Variants in SCNN1D observed in about 807,000 individuals in gnomAD.
SCNN1D encodes epithelial sodium channel subunit delta.
SCNN1D carries 104 observed loss-of-function variants against 87.8 expected under a neutral mutation model. That is an observed-to-expected ratio of 1.18 (90% CI 1.01 to 1.39). The LOEUF (loss-of-function observed/expected upper bound fraction) is 1.39, where lower values mean the gene tolerates loss of function less well. SCNN1D is among the 40% of genes most tolerant of loss of function. The pLI is 0.00. For missense variants in SCNN1D, 1,324 were observed against 1,093.9 expected (o/e 1.21, Z -2.97); for synonymous variants, 628 against 481.2 (o/e 1.31, Z -3.99).
chr1:1,281,542 G>A lies in SCNN1D; in HGVS notation c.209G>A (p.Ser70Asn), dbSNP rs1640471403. The change falls in exon 3 of 18, where the codon AGT becomes AAT. Residue 70 changes from serine to asparagine, a missense_variant. Coordinates refer to ENST00000379116, the MANE Select transcript of SCNN1D (RefSeq NM_001130413.4). The stretch of plus-strand genomic sequence containing the variant: ...GGGGGAGGACCATGTGGATTCACCA[G>A]TGCTGGACATGTGCTCTGTGGCTAC... ...RRGGGPCGFT[S>N]AGHVLCGYPL... is the part of the protein sequence containing the mutation. The A allele has an allele frequency of 3.3e-6, 5 of 1,535,788 alleles. No homozygotes were observed. Among genetic ancestry groups the A allele is most frequent in the East Asian group, 2.4e-5 (1 of 40,924 alleles).
chr1:1,284,177 T>TTGGGTGAGGGGGGGGGGG (rs1557580387), intron 5 of SCNN1D, 87 bp downstream of exon 5: 1 of 2,230 alleles, frequency 4.5e-4, no homozygotes, highest in Non-Finnish European at 7.3e-4. Flanking sequence ...GGTGGGGGGG[T>TTGGGTGAGGGGGGGGGGG]TGGGGGGGTT....
rs1640806899 is a variant in SCNN1D at position 1,291,320 on chromosome 1, C to G, written c.2119C>G (p.Leu707Val). ...SLWFGASVLS[L>V]LELLELLLDA... Reference sequence around the variant, plus strand: ...GTGGTTTGGGGCCTCCGTCCTCTCCCTCCTGGAGCTCCTGGAGCTGCTGCT... The same window carrying G: ...GTGGTTTGGGGCCTCCGTCCTCTCCGTCCTGGAGCTCCTGGAGCTGCTGCT... Residue 707 changes from leucine to valine, a missense_variant, in exon 18 of 18, where the codon CTC becomes GTC. Transcript: ENST00000379116. 10 of 1,596,504 alleles carry G rather than the reference C, an allele frequency of 6.3e-6. No individual in the cohort carries two copies. The highest frequency in any genetic ancestry group is 1.1e-5 in the South Asian group (1 of 88,592).
rs1330056076 is a variant in SCNN1D, at chr1:1,291,697, A to G, written c.*87A>G. ...GCTCCCCAGCGGCCCAGGGTGGGCC[A>G]GACCAGCAGCCCAGGAAGCAGCACA... On this transcript the variant is annotated 3_prime_UTR_variant, in exon 18 of 18. Transcript: ENST00000379116. The G allele has an allele frequency of 1.9e-6, 2 of 1,040,504 alleles. No individual in the cohort carries two copies. The highest frequency in any genetic ancestry group is 2.7e-5 in the Admixed American group (1 of 37,148). 64.5% of individuals were successfully genotyped at this position (1,040,504 alleles called of 1,614,324 possible). A position where few individuals can be genotyped will look rare whatever the true frequency, so the allele number is the denominator to read the frequency against.
At chr1:1,287,617 G>C (rs773150308) in intron 10 of SCNN1D, 21 bp downstream of exon 10, 1 of 1,608,592 alleles carries the variant, frequency 6.2e-7, no homozygotes, top group South Asian at 1.1e-5. Flanking sequence ...GCCCCTGGCC[G>C]GTGCGGGGGC....
Position 1,285,627 on chromosome 1 carries a change from G to T in SCNN1D, c.521G>T (p.Arg174Ile). The T allele has an allele frequency of 1.3e-6, 2 of 1,547,732 alleles. No individual in the cohort carries two copies. Among genetic ancestry groups the T allele is most frequent in the South Asian group, 2.4e-5 (2 of 83,728 alleles). The stretch of plus-strand genomic sequence containing the variant: ...TGCCACCTGAAGGGATGGCAGCACA[G>T]ACCCACTCAGCACAACGCTGCCTGC... ...RPCHLKGWQH[R>I]PTQHNAACKQ... is the part of the protein sequence containing the mutation. Residue 174 changes from arginine (R) to isoleucine (I), a missense_variant, in exon 6 of 18, where the codon AGA becomes ATA. Transcript: ENST00000379116.
In SCNN1D at chr1:1,286,122, G is replaced by A. The variant is rs767058898; in HGVS notation, c.755G>A (p.Trp252Ter). The A allele has an allele frequency of 1.9e-6, 3 of 1,610,590 alleles. No individual in the cohort carries two copies. Among genetic ancestry groups the A allele is most frequent in the Non-Finnish European group, 2.5e-6 (3 of 1,179,458 alleles). The stretch of plus-strand genomic sequence containing the variant: ...GGGAACCGCCTCAAGACGACGTCCT[G>A]GGGGCTGCTGTCCCTGGGAGCCCTG... ...SRGNRLKTTS[W>*]GLLSLGALVA... Residue 252 changes from tryptophan (W) to a stop codon, truncating the protein, a stop_gained, in exon 7 of 18, where the codon TGG becomes TAG. Coordinates refer to ENST00000379116, the MANE Select transcript of SCNN1D (RefSeq NM_001130413.4). LOFTEE classifies it high-confidence loss of function.
intron 5 of SCNN1D, among the ~76,000 whole-genome samples, chr1:1,284,829 C>T (rs776950906): frequency 7.2e-5 from 11 of 152,206 alleles, no homozygotes; most frequent in South Asian, 2.1e-4. Context: ...GGGTGGGGTC[C>T]GGCTCCTCTC....
Position 1,287,544 on chromosome 1 carries a change from C to G in SCNN1D, c.1347C>G (p.Ser449Arg). 1 of 1,542,538 alleles carries G rather than the reference C, an allele frequency of 6.5e-7. No homozygotes were observed. Among genetic ancestry groups the G allele is most frequent in the Non-Finnish European group, 8.8e-7 (1 of 1,141,804 alleles). Residue 449 changes from serine (S) to arginine (R), a missense_variant, in exon 10 of 18, where the codon AGC becomes AGG. By Grantham distance (110) the Ser-to-Arg change is moderately radical. Transcript: ENST00000379116. ...FRTFHHPTYG[S>R]CYTVDGVWTA... Reference sequence around the variant, plus strand: ...CCTTCCACCACCCCACCTACGGCAGCTGCTACACGGTCGATGGCGTCTGGA... The same window carrying G: ...CCTTCCACCACCCCACCTACGGCAGGTGCTACACGGTCGATGGCGTCTGGA...
In SCNN1D at chr1:1,290,943, CACAG is replaced by C. The variant is rs1640790104; in HGVS notation, c.1972_1975del (p.Gln658GlyfsTer66). ...TGAACAGGGGCTGCCGCATCAGAGCCACAGACAGAGGTGGGTGCACCCTCCCCCT... is the reference window on the plus strand; with the variant it reads ...TGAACAGGGGCTGCCGCATCAGAGCCACAGAGGTGGGTGCACCCTCCCCCT... On this transcript the variant is annotated frameshift_variant, in exon 16 of 18. Transcript: ENST00000379116. LOFTEE classifies it high-confidence loss of function. 1.2e-6 allele frequency: 2 copies of C among 1,609,402 alleles called. No individual in the cohort carries two copies. The highest frequency in any genetic ancestry group is 8.5e-7 in the Non-Finnish European group (1 of 1,178,534).
chr1:1,291,916 G>A lies in SCNN1D; in HGVS notation c.*306G>A. On this transcript the variant is annotated 3_prime_UTR_variant, in exon 18 of 18. Transcript: ENST00000379116. ...GTGTCTGCATGTCCACACGTCTGAT[G>A]CACCTGTGTACGTGTGTCAAGCCTA... The A allele has an allele frequency of 3.5e-6, 1 of 289,292 alleles. No individual in the cohort carries two copies. The highest frequency in any genetic ancestry group is 6.5e-6 in the Non-Finnish European group (1 of 154,120). The allele number at this position is 289,292 out of a possible 1,614,324, so 17.9% of individuals were successfully genotyped here.
rs142204653 is a variant in SCNN1D, at chr1:1,287,579, G to A, written c.1382G>A (p.Arg461His). Residue 461 changes from arginine (R) to histidine (H), a missense_variant, in exon 10 of 18, where the codon CGC becomes CAC. Arg to His is a conservative substitution (Grantham distance 29). Coordinates refer to ENST00000379116, the MANE Select transcript of SCNN1D (RefSeq NM_001130413.4). ...GTCGATGGCGTCTGGACAGCTCAGC[G>A]CCCCGGCATCACCCACGGTGGGTGC... ...YTVDGVWTAQ[R>H]PGITHGVGLV... The A allele has an allele frequency of 2.2e-4, 349 of 1,592,724 alleles. 1 individual carries two copies. The highest frequency in any genetic ancestry group is 7.4e-5 in the Non-Finnish European group (86 of 1,167,946).
rs372458361 is a variant in SCNN1D, at chr1:1,284,022, G to C, written c.396G>C (p.Pro132=). 1 of 1,420,060 alleles carries C rather than the reference G, an allele frequency of 7.0e-7. No homozygotes were observed. The allele number at this position is 1,420,060 out of a possible 1,614,324, so 88.0% of individuals were successfully genotyped here. ...SILLQSCQLP[P]QWLSTEAWTG... is the part of the protein sequence containing the mutation. ...TGCTTCAGAGCTGCCAGCTGCCCCC[G>C]CAATGGCTGAGCACCGAAGCATGGA... Residue 132 remains proline (P), a synonymous_variant, in exon 5 of 18, where the codon CCG becomes CCC. Coordinates refer to ENST00000379116, the MANE Select transcript of SCNN1D (RefSeq NM_001130413.4).
rs1487048889 is a variant in SCNN1D, at chr1:1,280,522, C to T, written c.-140C>T. On this transcript the variant is annotated 5_prime_UTR_variant, in exon 1 of 18. Coordinates refer to ENST00000379116, the MANE Select transcript of SCNN1D (RefSeq NM_001130413.4). ...AAGGGAATGTCTGGTTACAGTATGG[C>T]GTTGTGCAGATGAAGGTCTTATCGC... The T allele has an allele frequency of 8.0e-6, 5 of 624,112 alleles. No individual in the cohort carries two copies. The highest frequency in any genetic ancestry group is 1.5e-5 in the Non-Finnish European group (5 of 337,634). The allele number at this position is 624,112 out of a possible 1,614,324, so 38.7% of individuals were successfully genotyped here.
chr1:1,288,575 GTC>G (rs1312315759), intron 12 of SCNN1D, among the ~76,000 whole-genome samples: 6 of 52,240 alleles, frequency 1.1e-4, no homozygotes, highest in Non-Finnish European at 1.8e-4. Flanking sequence ...CGTCCCCCGT[GTC>G]TCTGCTCCGT....
chr1:1,286,238 C>G lies in SCNN1D; in HGVS notation c.871C>G (p.Leu291Val), dbSNP rs887004062. 11 of 1,593,554 alleles carry G rather than the reference C, an allele frequency of 6.9e-6. No homozygotes were observed. Among genetic ancestry groups the G allele is most frequent in the Non-Finnish European group, 9.4e-6 (11 of 1,175,240 alleles). The change falls in exon 7 of 18, where the codon CTG becomes GTG. Residue 291 changes from leucine (L) to valine (V), a missense_variant. Leu to Val is a conservative substitution (Grantham distance 32). Coordinates refer to ENST00000379116, the MANE Select transcript of SCNN1D (RefSeq NM_001130413.4). ...CGTCTCTGTGCACTCGGAGCGCAAG[C>G]TGCTCCCGCTGGTCACCCTGTGTGA... ...MAVSVHSERK[L>V]LPLVTLCDGN... is the part of the protein sequence containing the mutation.
Position 1,282,321 on chromosome 1 carries a change from T to C in SCNN1D, c.351+6T>C, listed in dbSNP as rs927908754. On this transcript the variant is annotated splice_donor_region_variant and intron_variant, in intron 4 of 17. Transcript: ENST00000379116. Reference sequence around the variant, plus strand: ...CTTCCTTCCAGAGCCGGCAGGCAGGTGACCTCACCCTCCTCAGAGCCATGG... The same window carrying C: ...CTTCCTTCCAGAGCCGGCAGGCAGGCGACCTCACCCTCCTCAGAGCCATGG... The C allele has an allele frequency of 1.3e-6, 2 of 1,549,844 alleles. No individual in the cohort carries two copies. Among genetic ancestry groups the C allele is most frequent in the South Asian group, 2.4e-5 (2 of 84,048 alleles).
At position 1,287,358 on chromosome 1, in the gene SCNN1D, C is replaced by T. The variant is rs1453907615; in HGVS notation, c.1310+59C>T. 12 of 1,499,190 alleles carry T rather than the reference C, an allele frequency of 8.0e-6. 1 individual carries two copies. Among genetic ancestry groups the T allele is most frequent in the East Asian group, 4.8e-5 (2 of 41,862 alleles). 92.9% of individuals were successfully genotyped at this position (1,499,190 alleles called of 1,614,324 possible). ...CCCACCCCACAGAGCGTGGCCGCACCCCTGGGGTCCCTCTGGCTGTATGCT... is the reference window on the plus strand; with the variant it reads ...CCCACCCCACAGAGCGTGGCCGCACTCCTGGGGTCCCTCTGGCTGTATGCT... On this transcript the variant is annotated intron_variant, in intron 9 of 17. Transcript: ENST00000379116.
chr1:1,281,199 C>G, intron 1 of SCNN1D, 27 bp from the exon 2 acceptor site: 1 of 1,532,306 alleles, frequency 6.5e-7, no homozygotes, highest in Non-Finnish European at 8.7e-7. Context: ...TGGGGTCCCA[C>G]AGATGCCAGG....
In SCNN1D at chr1:1,290,399, C is replaced by G. The variant is rs776035920; in HGVS notation, c.1780+11C>G. 6.2e-7 allele frequency: 1 copy of G among 1,606,558 alleles called. No individual in the cohort carries two copies. The highest frequency in any genetic ancestry group is 1.7e-5 in the Admixed American group (1 of 59,672). ...GGCACCCTGCCTGGGGTGAGTCCTG[C>G]TCGCTGCCTCCCACTCTGTCAGCCA... On this transcript the variant is annotated intron_variant, in intron 13 of 17. Transcript: ENST00000379116.
Sources: allele counts gnomAD v4.1 joint callset (sites outside exome capture counted in the v4.1 genomes callset), GRCh38; gene constraint gnomAD v4.1.1; transcripts MANE v1.5; gene names NCBI Gene and HGNC (gene_info 2026-07-23, HGNC 2026-07-21).